Variants in MAP3K20 observed in about 807,000 individuals in gnomAD.
The protein encoded by MAP3K20 is mitogen-activated protein kinase kinase kinase 20, also known as HCCS-4.
In MAP3K20, 40 loss-of-function variants were observed where a neutral mutation model predicts 85.7. That is an observed-to-expected ratio of 0.47 (90% CI 0.36 to 0.61). MAP3K20 has a LOEUF of 0.61. Among genes scored for constraint, MAP3K20 ranks in the 20% least tolerant of loss-of-function variants. MAP3K20 has a pLI of 0.00. For synonymous variants in MAP3K20, 325 were observed against 327.7 expected, an observed-to-expected ratio of 0.99 and a Z score of 0.09; for missense variants, 817 against 961.7, an observed-to-expected ratio of 0.85 and a Z score of 1.99.
intron 1 of MAP3K20, among the ~76,000 whole-genome samples, 187 bp downstream of exon 1, chr2:173,076,189 G>A (rs1686852210): frequency 6.6e-6 from 1 of 151,502 alleles, no homozygotes; most frequent in Admixed American, 6.6e-5. Context: ...GCCGGAGCGA[G>A]CGGGCGGGCG....
intron 2 of MAP3K20, among the ~76,000 whole-genome samples, chr2:173,120,873 A>AAAT (rs1178175617): frequency 1.3e-5 from 2 of 151,672 alleles, no homozygotes; most frequent in Admixed American, 6.6e-5. Context: ...ATGGCCGGCT[A>AAAT]AATTTTTTTG....
At position 173,217,269 on chromosome 2, in the gene MAP3K20, C is replaced by A; in HGVS notation, c.987+19C>A. Reference sequence around the variant, plus strand: ...CACCCCGGTGAGTACCCTCCCCCTTCGCCGTCTTTCCACATGCGGCTCTAG... The same window carrying A: ...CACCCCGGTGAGTACCCTCCCCCTTAGCCGTCTTTCCACATGCGGCTCTAG... On this transcript the variant is annotated intron_variant, in intron 11 of 19. Coordinates refer to ENST00000375213, the MANE Select transcript of MAP3K20 (RefSeq NM_016653.3). 6.5e-7 allele frequency: 1 copy of A among 1,528,000 alleles called. No individual in the cohort carries two copies. Among genetic ancestry groups the A allele is most frequent in the South Asian group, 1.3e-5 (1 of 75,712 alleles). 94.7% of individuals were successfully genotyped at this position (1,528,000 alleles called of 1,614,324 possible). A position where few individuals can be genotyped will look rare whatever the true frequency, so the allele number is the denominator to read the frequency against.
intron 2 of MAP3K20, among the ~76,000 whole-genome samples, chr2:173,150,925 C>T (rs920546958): frequency 2.6e-5 from 4 of 152,144 alleles, no homozygotes; most frequent in African/African-American, 4.8e-5. Flanking sequence ...GAAAACCATG[C>T]GCCTAGCATG....
intron 2 of MAP3K20, among the ~76,000 whole-genome samples, chr2:173,134,428 A>ATT (rs1274644433): frequency 9.5e-4 from 3 of 3,156 alleles, no homozygotes; most frequent in South Asian, 0.018. Context: ...ATATATATAT[A>ATT]TTTTTTTTTT....
intron 2 of MAP3K20, among the ~76,000 whole-genome samples, chr2:173,126,676 A>G (rs910490602): frequency 3.3e-5 from 5 of 151,782 alleles, no homozygotes; most frequent in Admixed American, 1.3e-4. Flanking sequence ...CACCGTGCCC[A>G]GCTGATGAAT....
intron 16 of MAP3K20, among the ~76,000 whole-genome samples, chr2:173,253,978 G>A (rs1490753500): frequency 6.6e-6 from 1 of 151,750 alleles, no homozygotes; most frequent in Non-Finnish European, 1.5e-5. Context: ...GGCTGATGTG[G>A]GAAGATCGCT....
At chr2:173,180,321 G>A (rs1222445712) in intron 3 of MAP3K20, among the ~76,000 whole-genome samples, 11 of 152,142 alleles carry the variant, frequency 7.2e-5, no homozygotes, top group Admixed American at 7.2e-4. Flanking sequence ...ACATTGATTG[G>A]CAATGGATTT....
chr2:173,152,498 A>G (rs985132421), intron 2 of MAP3K20, among the ~76,000 whole-genome samples: 7 of 152,184 alleles, frequency 4.6e-5, no homozygotes, highest in African/African-American at 1.4e-4. Flanking sequence ...GCTTCAGTCA[A>G]CAGGCATGGA....
At chr2:173,094,563 T>G (rs1687405247) in intron 2 of MAP3K20, among the ~76,000 whole-genome samples, 1 of 152,238 alleles carries the variant, frequency 6.6e-6, no homozygotes, top group Non-Finnish European at 1.5e-5. Context: ...CCCGGCTTAA[T>G]CTGGAACAGT....
chr2:173,208,622 A>G (rs1224869409), intron 9 of MAP3K20, among the ~76,000 whole-genome samples: 1 of 152,120 alleles, frequency 6.6e-6, no homozygotes, highest in East Asian at 1.9e-4. Flanking sequence ...TTGAAAGAGA[A>G]TAATAATGGC....
At position 173,198,814 on chromosome 2, in the gene MAP3K20, G is replaced by C. The variant is rs1308309238; in HGVS notation, c.669+702G>C. 6.6e-6 allele frequency: 1 copy of C among 152,536 alleles called. No homozygotes were observed. Among genetic ancestry groups the C allele is most frequent in the African/African-American group, 2.4e-5 (1 of 41,410 alleles). 9.4% of individuals were successfully genotyped at this position (152,536 alleles called of 1,614,324 possible). On this transcript the variant is annotated intron_variant, in intron 8 of 19. Transcript: ENST00000375213. This position sits in a 1 kb window ranked among gnomAD's most constrained non-coding sequence, Gnocchi z 5.8. ...ACAAATTGAGGCTTTCAGTTAGTTG[G>C]ACCTATGAGCCTACATCAGAGAACA... is the stretch of plus-strand genomic sequence containing the variant.
chr2:173,080,199 C>T (rs1159760249), intron 1 of MAP3K20, among the ~76,000 whole-genome samples: 1 of 152,192 alleles, frequency 6.6e-6, no homozygotes, highest in Non-Finnish European at 1.5e-5. Flanking sequence ...TTGACTAAAG[C>T]ATAGTTATGT....
rs1358718665 is a variant in MAP3K20 at position 173,266,060 on chromosome 2, C to T, written c.1713C>T (p.Cys571=). 2.6e-6 allele frequency: 4 copies of T among 1,568,456 alleles called. No individual in the cohort carries two copies. Among genetic ancestry groups the T allele is most frequent in the Non-Finnish European group, 3.5e-6 (4 of 1,154,216 alleles). ...PGSRSDSSAD[C]QWLDTLRMRQ... is the part of the protein sequence containing the mutation. Reference sequence around the variant, plus strand: ...CCATTTCTCCCGCAGGTGCTGATTGCCAGTGGTTAGATACTCTGAGGATGC... The same window carrying T: ...CCATTTCTCCCGCAGGTGCTGATTGTCAGTGGTTAGATACTCTGAGGATGC... Residue 571 remains cysteine, a synonymous_variant, in exon 20 of 20, where the codon TGC becomes TGT. Transcript: ENST00000375213.
At chr2:173,160,349 A>C (rs1689620341) in intron 2 of MAP3K20, 1 of 152,154 alleles carries the variant, frequency 6.6e-6, no homozygotes, top group African/African-American at 2.4e-5. Flanking sequence ...GCCTGCTTTT[A>C]AAGTTGTAGC....
intron 14 of MAP3K20, among the ~76,000 whole-genome samples, chr2:173,235,445 G>C (rs934994741): frequency 6.6e-6 from 1 of 152,180 alleles, no homozygotes; most frequent in African/African-American, 2.4e-5. Flanking sequence ...ATGTGTGGCA[G>C]CATAGATGAG....
intron 2 of MAP3K20, among the ~76,000 whole-genome samples, chr2:173,138,113 G>A (rs1447953922): frequency 2.6e-5 from 4 of 152,000 alleles, no homozygotes; most frequent in Non-Finnish European, 5.9e-5. Context: ...GACTACAGGC[G>A]CCCGCCACCC....
intron 2 of MAP3K20, among the ~76,000 whole-genome samples, chr2:173,152,258 A>G (rs147010190): frequency 0.013 from 1,938 of 152,284 alleles, 23 homozygotes; most frequent in Middle Eastern, 0.024. Flanking sequence ...CCAGGTTTAT[A>G]TTTGTTTACA....
chr2:173,135,313 CTGT>C (rs1688769538), intron 2 of MAP3K20, among the ~76,000 whole-genome samples: 1 of 152,130 alleles, frequency 6.6e-6, no homozygotes, highest in Non-Finnish European at 1.5e-5. Flanking sequence ...CTCTGAGTTC[CTGT>C]AACAGTCGGA....
chr2:173,177,007 G>A (rs955220428), intron 3 of MAP3K20, among the ~76,000 whole-genome samples: 2 of 152,102 alleles, frequency 1.3e-5, no homozygotes, highest in Non-Finnish European at 2.9e-5. Context: ...CATAGCAATT[G>A]GAAATGTATA....
Sources: gnomAD v4.1 joint callset for allele counts (sites outside exome capture counted in the v4.1 genomes callset) on GRCh38, gnomAD v4.1.1 for gene constraint, Gnocchi (gnomAD v3.1) non-coding constraint, MANE v1.5 for transcripts, NCBI Gene and HGNC (gene_info 2026-07-23, HGNC 2026-07-21) for gene names.